Variants in GPM6A observed in about 807,000 individuals in gnomAD.
GPM6A encodes the protein glycoprotein M6A.
In GPM6A, 7 loss-of-function variants were observed where a neutral mutation model predicts 32.1. The observed-to-expected ratio is 0.22, with a 90% CI of 0.12 to 0.41. The LOEUF (loss-of-function observed/expected upper bound fraction) is 0.41, where lower values mean the gene tolerates loss of function less well. Ranked by LOEUF, GPM6A falls within the 10% of genes least tolerant of loss-of-function variation. The pLI, the probability that GPM6A is intolerant of heterozygous loss-of-function variation, is 1.00. For missense variants in GPM6A, 235 were observed against 347.2 expected (o/e 0.68, Z 2.57); for synonymous variants, 130 against 123.4 (o/e 1.05, Z -0.35).
At chr4:175,991,127 G>A (rs1741127665) in intron 1 of GPM6A, among the ~76,000 whole-genome samples, 1 of 147,770 alleles carries the variant, frequency 6.8e-6, no homozygotes, top group Non-Finnish European at 1.5e-5. Context: ...CTGGAGTGCA[G>A]TAGCATGATC....
intron 1 of GPM6A, among the ~76,000 whole-genome samples, chr4:175,907,611 TG>T (rs1738171718): frequency 6.6e-6 from 1 of 152,132 alleles, no homozygotes; most frequent in South Asian, 2.1e-4. Flanking sequence ...CACCTTCTCT[TG>T]CCCTTCTGTC....
chr4:175,705,815 AT>A (rs942452790), intron 1 of GPM6A, among the ~76,000 whole-genome samples: 2 of 152,056 alleles, frequency 1.3e-5, no homozygotes, highest in Non-Finnish European at 2.9e-5. Context: ...TGGAGAAGAT[AT>A]TTTTTTCTTG....
At chr4:175,890,961 G>C (rs920758907) in intron 1 of GPM6A, among the ~76,000 whole-genome samples, 42 of 152,094 alleles carry the variant, frequency 2.8e-4, no homozygotes, top group African/African-American at 9.9e-4. Flanking sequence ...AAATGATATA[G>C]AGTATATGCA....
chr4:175,892,100 T>G (rs1239031672), intron 1 of GPM6A, among the ~76,000 whole-genome samples: 1 of 152,208 alleles, frequency 6.6e-6, no homozygotes, highest in East Asian at 1.9e-4. Flanking sequence ...CTTTGCCACC[T>G]TTTGGTAACT....
At chr4:175,780,694 C>T (rs1388147173) in intron 1 of GPM6A, among the ~76,000 whole-genome samples, 1 of 152,170 alleles carries the variant, frequency 6.6e-6, no homozygotes, top group African/African-American at 2.4e-5. Flanking sequence ...TTCCACTACA[C>T]AAATTAGCCA....
At chr4:175,991,139 CACTGCA>C (rs1224670964) in intron 1 of GPM6A, among the ~76,000 whole-genome samples, 2 of 149,118 alleles carry the variant, frequency 1.3e-5, no homozygotes, top group East Asian at 3.9e-4. Flanking sequence ...AGCATGATCT[CACTGCA>C]ACTTCTGCCT....
chr4:175,891,604 G>A (rs1053851559), intron 1 of GPM6A: 1 of 152,154 alleles, frequency 6.6e-6, no homozygotes, highest in African/African-American at 2.4e-5. Flanking sequence ...TCTTTGTTAG[G>A]AGGCATTAAC....
chr4:175,718,572 C>A (rs936684533), intron 1 of GPM6A, among the ~76,000 whole-genome samples: 1 of 151,982 alleles, frequency 6.6e-6, no homozygotes, highest in Non-Finnish European at 1.5e-5. Context: ...GCCGAGATTG[C>A]GCCACTGCAC....
intron 4 of GPM6A, among the ~76,000 whole-genome samples, chr4:175,648,312 T>C (rs76219926): frequency 0.017 from 2,614 of 152,174 alleles, 69 homozygotes; most frequent in African/African-American, 0.059. Flanking sequence ...CTCCCATAGA[T>C]GTTCACATCC....
intron 1 of GPM6A, among the ~76,000 whole-genome samples, chr4:175,888,133 G>A (rs1459963209): frequency 6.6e-6 from 1 of 151,858 alleles, no homozygotes; most frequent in African/African-American, 2.4e-5. Flanking sequence ...TTCAAGGATG[G>A]TTTAACATCT....
rs534627969 is a variant in GPM6A at position 175,942,924 on chromosome 4, A to C, written c.-23+59385T>G. Among the ~76,000 whole-genome samples the C allele has an allele frequency of 2.0e-5, 3 of 152,256 alleles. 1 individual carries two copies. Among genetic ancestry groups the C allele is most frequent in the African/African-American group, 7.2e-5 (3 of 41,546 alleles). ...TTTTTCTAATTCTGTGAAGAAAGTT[A>C]ATGGTATCTTGATGGAGATAGCATT... On this transcript the variant is annotated intron_variant, in intron 1 of 7. Transcript: ENST00000280187.
At chr4:175,669,414 G>A (rs1159523956) in intron 3 of GPM6A, among the ~76,000 whole-genome samples, 5 of 151,998 alleles carry the variant, frequency 3.3e-5, no homozygotes, top group African/African-American at 1.2e-4. Flanking sequence ...ATTTTTTTTA[G>A]GTTTTGTAAT....
At chr4:175,857,059 T>C (rs1309515668) in intron 1 of GPM6A, among the ~76,000 whole-genome samples, 1 of 152,192 alleles carries the variant, frequency 6.6e-6, no homozygotes, top group Admixed American at 6.5e-5. Context: ...TATCAATACT[T>C]ATGTAAGATG....
intron 1 of GPM6A, among the ~76,000 whole-genome samples, chr4:175,900,273 T>TAAA (rs34011904): frequency 2.6e-5 from 3 of 116,402 alleles, no homozygotes; most frequent in East Asian, 2.5e-4. Context: ...GACTCTGTCT[T>TAAA]AAAAAAAAAA....
chr4:175,841,721 A>G (rs901585972), intron 1 of GPM6A, among the ~76,000 whole-genome samples: 13 of 152,196 alleles, frequency 8.5e-5, no homozygotes, highest in African/African-American at 3.1e-4. Flanking sequence ...TAACATAGGA[A>G]AAAATGTTAG....
At chr4:175,877,884 T>C (rs566875831) in intron 1 of GPM6A, among the ~76,000 whole-genome samples, 1 of 152,290 alleles carries the variant, frequency 6.6e-6, no homozygotes, top group South Asian at 2.1e-4. Context: ...CTTCCACCTA[T>C]GAGCCTGTAA....
intron 1 of GPM6A, among the ~76,000 whole-genome samples, chr4:175,964,122 A>G (rs71613768): frequency 6.6e-6 from 1 of 152,060 alleles, no homozygotes; most frequent in Non-Finnish European, 1.5e-5. Flanking sequence ...AGAGAAAGAA[A>G]CAAAGAGCAG....
At chr4:175,664,522 A>G (rs1268810940) in intron 3 of GPM6A, among the ~76,000 whole-genome samples, 1 of 152,368 alleles carries the variant, frequency 6.6e-6, no homozygotes. Flanking sequence ...GTTAACTTTT[A>G]AAAACTAACT....
intron 1 of GPM6A, among the ~76,000 whole-genome samples, chr4:175,734,701 G>T (rs1198285969): frequency 6.6e-6 from 1 of 151,756 alleles, no homozygotes; most frequent in African/African-American, 2.4e-5. Flanking sequence ...GTGAAACCCT[G>T]TCTCTACTAA....
Sources: gnomAD v4.1 joint callset for allele counts (sites outside exome capture counted in the v4.1 genomes callset) on GRCh38, gnomAD v4.1.1 for gene constraint, MANE v1.5 for transcripts, NCBI Gene and HGNC (gene_info 2026-07-23, HGNC 2026-07-21) for gene names.